CDH23: variants seen among roughly 807,000 people sequenced by gnomAD.
CDH23 encodes the protein cadherin related 23, also known as cadherin-23.
A neutral mutation model predicts 317.1 loss-of-function variants in CDH23; 189 were observed. That is an observed-to-expected ratio of 0.60 (90% CI 0.53 to 0.67). The LOEUF (loss-of-function observed/expected upper bound fraction) is 0.67, where lower values mean the gene tolerates loss of function less well. Ranked by LOEUF, CDH23 falls within the 30% of genes least tolerant of loss-of-function variation. The probability of loss-of-function intolerance (pLI) is 0.00; values close to 1 mark genes in which losing one functional copy is unlikely to be tolerated. For missense variants in CDH23, 4,401 were observed against 4,592.4 expected (o/e 0.96, Z 1.20); for synonymous variants, 1,839 against 1,876.8 (o/e 0.98, Z 0.52).
intron 6 of CDH23, among the ~76,000 whole-genome samples, chr10:71,542,412 A>G (rs927193895): frequency 1.3e-4 from 20 of 152,146 alleles, no homozygotes; most frequent in African/African-American, 2.4e-4. Flanking sequence ...TGACTCTGTG[A>G]TTTGCAGCCC....
intron 3 of CDH23, among the ~76,000 whole-genome samples, chr10:71,479,415 G>A (rs780682094): frequency 1.3e-4 from 20 of 152,128 alleles, no homozygotes; most frequent in Non-Finnish European, 2.4e-4. Flanking sequence ...AATCCCGCAG[G>A]AAAGCAGGAG....
chr10:71,796,066 G>T, intron 48 of CDH23: 1 of 987,410 alleles, frequency 1.0e-6, no homozygotes, highest in South Asian at 4.7e-5. Context: ...AGGAGGAGGA[G>T]GAGGCGGCCC....
At chr10:71,477,420 C>T (rs1851850257) in intron 3 of CDH23, among the ~76,000 whole-genome samples, 2 of 152,180 alleles carry the variant, frequency 1.3e-5, no homozygotes, top group African/African-American at 4.8e-5. Flanking sequence ...CCACCTGCCT[C>T]GGCCTCCCAA....
intron 3 of CDH23, among the ~76,000 whole-genome samples, chr10:71,483,869 A>C (rs939106973): frequency 6.6e-5 from 10 of 151,574 alleles, no homozygotes; most frequent in Non-Finnish European, 1.5e-5. Flanking sequence ...CTCTCCCCCC[A>C]CACACATGTT....
At chr10:71,723,345 G>A (rs550217702) in intron 28 of CDH23, among the ~76,000 whole-genome samples, 182 of 152,202 alleles carry the variant, frequency 1.2e-3, no homozygotes, top group African/African-American at 4.1e-3. Flanking sequence ...CAGTAGCCTC[G>A]AGGCTGCACT....
At chr10:71,741,478 A>G (rs1839730643) in intron 37 of CDH23, among the ~76,000 whole-genome samples, 1 of 152,172 alleles carries the variant, frequency 6.6e-6, no homozygotes, top group African/African-American at 2.4e-5. Flanking sequence ...ACAGAGTTGG[A>G]GAGAGGACCC....
At chr10:71,429,336 GTTC>G (rs1328796615) in intron 1 of CDH23, among the ~76,000 whole-genome samples, 3 of 152,198 alleles carry the variant, frequency 2.0e-5, no homozygotes, top group African/African-American at 4.8e-5. Context: ...CATGGGGTGT[GTTC>G]TTCTCAAATT....
At chr10:71,752,031 A>G in intron 38 of CDH23, 1 of 787,934 alleles carries the variant, frequency 1.3e-6, no homozygotes, top group Non-Finnish European at 2.2e-6. Context: ...AGCAAAGGCC[A>G]TGGGCTGCAC....
In CDH23 at chr10:71,809,167, C is replaced by CTTTTTT. The variant is rs61078259; in HGVS notation, c.8723-634_8723-629dup. On this transcript the variant is annotated intron_variant, in intron 60 of 69. Transcript: ENST00000224721. ...TATGGGTTTTGTTGTTTTCTTTTTC[C>CTTTTTT]TTTTTTTTTTTTTTTTTTTTTTTTG... 1.1e-3 allele frequency among the ~76,000 whole-genome samples: 75 copies of CTTTTTT among 68,830 alleles called. 1 individual carries two copies. The highest frequency in any genetic ancestry group is 0.016 in the Middle Eastern group (1 of 62). 45.2% of individuals were successfully genotyped at this position (68,830 alleles called of 152,430 possible). A position where few individuals can be genotyped will look rare whatever the true frequency, so the allele number is the denominator to read the frequency against.
At chr10:71,753,401 C>T (rs1483138511) in intron 38 of CDH23, among the ~76,000 whole-genome samples, 1 of 152,232 alleles carries the variant, frequency 6.6e-6, no homozygotes, top group Non-Finnish European at 1.5e-5. Flanking sequence ...CTTGTTTGAA[C>T]ATTTGCCAGG....
chr10:71,532,967 A>T (rs527764478), intron 6 of CDH23, among the ~76,000 whole-genome samples: 38 of 152,152 alleles, frequency 2.5e-4, no homozygotes, highest in African/African-American at 9.2e-4. Flanking sequence ...CCTGACCTCA[A>T]GTGATCCACT....
intron 14 of CDH23, among the ~76,000 whole-genome samples, chr10:71,665,329 A>G (rs1863839881): frequency 6.6e-6 from 1 of 151,672 alleles, no homozygotes; most frequent in Admixed American, 6.6e-5. Flanking sequence ...CCAAGCCCCC[A>G]CTGCCTCCCA....
At chr10:71,729,384 T>A (rs1866960511) in intron 30 of CDH23, among the ~76,000 whole-genome samples, 1 of 151,916 alleles carries the variant, frequency 6.6e-6, no homozygotes, top group Non-Finnish European at 1.5e-5. Flanking sequence ...GACAGCAAAG[T>A]GTCATGGAGG....
chr10:71,809,794 G>C, intron 60 of CDH23, 26 bp from the exon 61 acceptor site: 1 of 1,604,160 alleles, frequency 6.2e-7, no homozygotes, highest in Non-Finnish European at 8.5e-7. Context: ...TCTCTGAGCC[G>C]TACCCCGCCT....
At chr10:71,717,268 G>T (rs138750640) in intron 28 of CDH23, 1 of 152,102 alleles carries the variant, frequency 6.6e-6, no homozygotes, top group Non-Finnish European at 1.5e-5. Flanking sequence ...TTGGTGGTGG[G>T]AAGGCCAAGG....
chr10:71,675,562 C>T (rs1264463357), intron 15 of CDH23, among the ~76,000 whole-genome samples: 1 of 152,220 alleles, frequency 6.6e-6, no homozygotes, highest in Non-Finnish European at 1.5e-5. Context: ...TTGTGTCATC[C>T]TCTCAGTGAA....
intron 38 of CDH23, among the ~76,000 whole-genome samples, chr10:71,757,972 G>T (rs1370661860): frequency 6.6e-6 from 1 of 152,114 alleles, no homozygotes; most frequent in Non-Finnish European, 1.5e-5. Flanking sequence ...CCTACCTCAG[G>T]TTAACTTGTA....
intron 3 of CDH23, among the ~76,000 whole-genome samples, chr10:71,473,578 G>A (rs1054856728): frequency 6.6e-6 from 1 of 152,164 alleles, no homozygotes; most frequent in Non-Finnish European, 1.5e-5. Flanking sequence ...AGGTCCCAGG[G>A]CAAGTTCCTC....
intron 3 of CDH23, among the ~76,000 whole-genome samples, chr10:71,505,435 T>C (rs1433795533): frequency 6.6e-6 from 1 of 152,224 alleles, no homozygotes; most frequent in Admixed American, 6.5e-5. Flanking sequence ...GCTCTAACCA[T>C]GGTAGACAAG....
Sources: gnomAD v4.1 joint callset for allele counts (sites outside exome capture counted in the v4.1 genomes callset) on GRCh38, gnomAD v4.1.1 for gene constraint, MANE v1.5 for transcripts, NCBI Gene and HGNC (gene_info 2026-07-23, HGNC 2026-07-21) for gene names.